ATG2B: variants seen among roughly 807,000 people sequenced by gnomAD.
ATG2B encodes the protein autophagy-related protein 2 homolog B.
In ATG2B, 121 loss-of-function variants were observed where a neutral mutation model predicts 241.3. The ratio of observed to expected loss-of-function variants is 0.50; its 90% CI spans 0.43 to 0.58. The LOEUF (loss-of-function observed/expected upper bound fraction) is 0.58, where lower values mean the gene tolerates loss of function less well. ATG2B is among the 20% of genes least tolerant of loss of function. The pLI is 0.00. For missense variants in ATG2B, 2,306 were observed against 2,491.6 expected (o/e 0.93, Z 1.59); for synonymous variants, 858 against 876.6 (o/e 0.98, Z 0.37).
At chr14:96,352,905 C>G (rs1217483849) in intron 1 of ATG2B, among the ~76,000 whole-genome samples, 1 of 152,170 alleles carries the variant, frequency 6.6e-6, no homozygotes, top group African/African-American at 2.4e-5. Context: ...ATGTCCTAGG[C>G]CTTCACATTC....
chr14:96,363,189 T>C lies in ATG2B; in HGVS notation c.-213A>G. ...GAGGCAAGACGCAGAGGGGTCCTCC[T>C]GGCCCCAGGCCAGGGGACTTCCGAG... On this transcript the variant is annotated 5_prime_UTR_variant, in exon 1 of 42. Transcript: ENST00000359933. The C allele has an allele frequency of 5.4e-6, 3 of 554,070 alleles. No homozygotes were observed. Among genetic ancestry groups the C allele is most frequent in the Admixed American group, 3.3e-5 (1 of 30,434 alleles). The allele number at this position is 554,070 out of a possible 1,614,324, so 34.3% of individuals were successfully genotyped here.
chr14:96,295,617 A>C, intron 34 of ATG2B, 57 bp from the exon 35 acceptor site: 2 of 1,161,968 alleles, frequency 1.7e-6, no homozygotes, highest in Non-Finnish European at 2.5e-6. Context: ...TATTTCTAAA[A>C]CTATGAAACA....
chr14:96,363,014 T>A lies in ATG2B; in HGVS notation c.-38A>T. ...CAGCTGGGCTGACTGCGGCTGCGGGTTGCGACGGCTCCGGCCTCGGGGTAG... is the reference window on the plus strand; with the variant it reads ...CAGCTGGGCTGACTGCGGCTGCGGGATGCGACGGCTCCGGCCTCGGGGTAG... On this transcript the variant is annotated 5_prime_UTR_variant, in exon 1 of 42. Coordinates refer to ENST00000359933, the MANE Select transcript of ATG2B (RefSeq NM_018036.7). 6.2e-7 allele frequency: 1 copy of A among 1,609,970 alleles called. No individual in the cohort carries two copies. Among genetic ancestry groups the A allele is most frequent in the East Asian group, 2.2e-5 (1 of 44,742 alleles).
At position 96,285,796 on chromosome 14, in the gene ATG2B, G is replaced by A. The variant is rs761750367; in HGVS notation, c.6196C>T (p.Arg2066Trp). ...CGCCATTTCTGTGACTCGTCTTGCC[G>A]GACATCTGGCCTAATTTGGTTTCTC... ...GMRNQIRPDV[R>W]QDESQKWRHG... Residue 2066 changes from arginine (R) to tryptophan (W), a missense_variant, in exon 42 of 42, where the codon CGG (arginine) becomes TGG (tryptophan). By Grantham distance (101) the Arg-to-Trp change is moderately radical. Around this residue, in one of 2 missense-constraint regions of ATG2B, gnomAD observed 379 missense variants for 480.4 expected, o/e 0.79. Transcript: ENST00000359933. This position sits in a 1 kb window ranked among gnomAD's most constrained non-coding sequence, Gnocchi z 4.2. 9.9e-6 allele frequency: 16 copies of A among 1,614,004 alleles called. No individual in the cohort carries two copies. Among genetic ancestry groups the A allele is most frequent in the South Asian group, 2.2e-5 (2 of 91,066 alleles).
In ATG2B at chr14:96,284,491, T is replaced by C. The variant is rs1250985149; in HGVS notation, c.*1264A>G. On this transcript the variant is annotated 3_prime_UTR_variant, in exon 42 of 42. Coordinates refer to ENST00000359933, the MANE Select transcript of ATG2B (RefSeq NM_018036.7). Reference sequence around the variant, plus strand: ...GAAGTTCAATAATATTCCCCCAACTTTAGAAAACAGGAAGTCAGGTCATGC... The same window carrying C: ...GAAGTTCAATAATATTCCCCCAACTCTAGAAAACAGGAAGTCAGGTCATGC... 6 of 152,292 alleles carry C rather than the reference T, an allele frequency of 3.9e-5. No individual in the cohort carries two copies. Among genetic ancestry groups the C allele is most frequent in the Admixed American group, 1.3e-4 (2 of 15,288 alleles). The allele number at this position is 152,292 out of a possible 1,614,324, so 9.4% of individuals were successfully genotyped here. A position where few individuals can be genotyped will look rare whatever the true frequency, so the allele number is the denominator to read the frequency against.
intron 1 of ATG2B, among the ~76,000 whole-genome samples, chr14:96,352,483 T>C (rs1261804451): frequency 6.6e-6 from 1 of 152,160 alleles, no homozygotes; most frequent in African/African-American, 2.4e-5. Flanking sequence ...CCATGCATGT[T>C]ACTGTTCCTG....
intron 34 of ATG2B, among the ~76,000 whole-genome samples, chr14:96,300,524 A>T (rs972681500): frequency 3.3e-5 from 5 of 151,640 alleles, no homozygotes; most frequent in Non-Finnish European, 7.4e-5. Flanking sequence ...GTGGCGGGGG[A>T]AGAAAAAAAG....
intron 6 of ATG2B, among the ~76,000 whole-genome samples, chr14:96,335,247 A>G (rs1887840003): frequency 6.6e-6 from 1 of 152,098 alleles, no homozygotes; most frequent in Non-Finnish European, 1.5e-5. Flanking sequence ...CTTAACACTG[A>G]CTCCTATTAT....
intron 18 of ATG2B, among the ~76,000 whole-genome samples, chr14:96,320,975 T>G (rs118003114): frequency 6.6e-6 from 1 of 152,078 alleles, no homozygotes; most frequent in Non-Finnish European, 1.5e-5. Flanking sequence ...ATAATGTATA[T>G]TATAAAACAA....
At chr14:96,291,019 ACAAAT>A (rs1356528615) in intron 38 of ATG2B, 84 bp from the exon 39 acceptor site, 46 of 1,192,186 alleles carry the variant, frequency 3.9e-5, no homozygotes, top group Non-Finnish European at 4.9e-5. Context: ...TTTACTTAAA[ACAAAT>A]TCTACAAATT....
At chr14:96,287,087 C>T (rs1332449000) in intron 41 of ATG2B, among the ~76,000 whole-genome samples, 1 of 151,864 alleles carries the variant, frequency 6.6e-6, no homozygotes, top group East Asian at 1.9e-4. Context: ...AACCCCGTCT[C>T]TACTAAAAAT....
In ATG2B at chr14:96,316,628, T is replaced by C. The variant is rs79425071; in HGVS notation, c.3266A>G (p.Asn1089Ser). Reference protein sequence around the residue: ...NKHGEFWLEFNSGSLFCVTKY... With the variant: ...NKHGEFWLEFSSGSLFCVTKY... ...TGTCACACAAAATAATGAACCACTA[T>C]TGAACTCTAACCAGAATTCACCATG... The change falls in exon 21 of 42, where the codon AAT becomes AGT. Residue 1089 changes from asparagine to serine, a missense_variant. Around this residue, in one of 2 missense-constraint regions of ATG2B, gnomAD observed 1,927 missense variants for 2,011.2 expected, o/e 0.96. Transcript: ENST00000359933. 6.4e-4 allele frequency: 1,033 copies of C among 1,613,080 alleles called. 20 individuals carry two copies. The East Asian group carries it at 0.019, about 30-fold the overall frequency.
At chr14:96,295,727 C>CCACACACACACACACACACACACACA (rs59902412) in intron 34 of ATG2B, among the ~76,000 whole-genome samples, 167 bp from the exon 35 acceptor site, 22 of 145,864 alleles carry the variant, frequency 1.5e-4, no homozygotes, top group East Asian at 1.0e-3. Context: ...CTTCCCCCCA[C>CCACACACACACACACACACACACACA]CACACACACA....
Position 96,287,275 on chromosome 14 carries a change from G to A in ATG2B, c.6007-1290C>T, listed in dbSNP as rs997655573. Among the ~76,000 whole-genome samples, 5 of 73,724 alleles carry A rather than the reference G, an allele frequency of 6.8e-5. No individual in the cohort carries two copies. The South Asian group carries it at 1.3e-3, about 19-fold the overall frequency. 48.4% of individuals were successfully genotyped at this position (73,724 alleles called of 152,430 possible). On this transcript the variant is annotated intron_variant, in intron 41 of 41. Coordinates refer to ENST00000359933, the MANE Select transcript of ATG2B (RefSeq NM_018036.7). ...TCTCAAAAAAAAAAAAAAAAAAAAC[G>A]TGTCCAGAAAAACTCAAAGAAATAA...
In ATG2B at chr14:96,290,753, G is replaced by T; in HGVS notation, c.5701+61C>A. On this transcript the variant is annotated intron_variant, in intron 39 of 41. Transcript: ENST00000359933. The surrounding 1 kb of genome is among the most constrained non-coding windows in gnomAD (Gnocchi z 4.4). Reference sequence around the variant, plus strand: ...TGGTCCTCACATAAGTTCTCAAAGGGATAAGAATTACTCATCTGAAAAAAT... The same window carrying T: ...TGGTCCTCACATAAGTTCTCAAAGGTATAAGAATTACTCATCTGAAAAAAT... 1 of 1,574,834 alleles carries T rather than the reference G, an allele frequency of 6.3e-7. No individual in the cohort carries two copies.
At chr14:96,292,427 C>A (rs1886511292) in intron 36 of ATG2B, among the ~76,000 whole-genome samples, 1 of 151,956 alleles carries the variant, frequency 6.6e-6, no homozygotes, top group Non-Finnish European at 1.5e-5. Flanking sequence ...AAATAATGTA[C>A]ACTTACAAAA....
At chr14:96,314,910 C>T (rs889447434) in intron 23 of ATG2B, among the ~76,000 whole-genome samples, 10 of 152,274 alleles carry the variant, frequency 6.6e-5, no homozygotes, top group Non-Finnish European at 8.8e-5. Context: ...AAGCTGGGCT[C>T]GAACTCCTGA....
In ATG2B at chr14:96,338,185, T is replaced by G. The variant is rs144280540; in HGVS notation, c.924+3337A>C. ...CATTGATCAGATCTAGGAGCCTTTT[T>G]GATGAGTCTTCAGGGTTGTCTAGGT... On this transcript the variant is annotated intron_variant, in intron 6 of 41. Transcript: ENST00000359933. 5.7e-3 allele frequency among the ~76,000 whole-genome samples: 865 copies of G among 152,244 alleles called. 27 individuals carry two copies. In the South Asian group the frequency reaches 0.067, roughly 12 times the overall value.
At chr14:96,357,037 TAGTTATCTGCTCAAACTGCAA>T (rs1266140493) in intron 1 of ATG2B, among the ~76,000 whole-genome samples, 1 of 152,178 alleles carries the variant, frequency 6.6e-6, no homozygotes, top group Admixed American at 6.5e-5. Context: ...TCTGTCAAGG[TAGTTATCTGCTCAAACTGCAA>T]ACTACAAGCG....
Sources: gnomAD v4.1 joint callset for allele counts (sites outside exome capture counted in the v4.1 genomes callset) on GRCh38, gnomAD v4.1.1 for gene constraint, gnomAD v4.1.1 regional missense constraint, Gnocchi (gnomAD v3.1) non-coding constraint, MANE v1.5 for transcripts, NCBI Gene and HGNC (gene_info 2026-07-23, HGNC 2026-07-21) for gene names.